Variants in MSR1 observed in about 807,000 individuals in gnomAD.
The protein encoded by MSR1 is macrophage scavenger receptor types I and II.
A neutral mutation model predicts 47.2 loss-of-function variants in MSR1; 53 were observed. The ratio of observed to expected loss-of-function variants is 1.12; its 90% CI spans 0.90 to 1.41. MSR1 has a LOEUF of 1.41. Among genes scored for constraint, MSR1 ranks in the 40% most tolerant of loss-of-function variants. The pLI is 0.00. For missense variants in MSR1, 786 were observed against 546.9 expected, an observed-to-expected ratio of 1.44 and a Z score of -4.36; for synonymous variants, 239 against 185.6, an observed-to-expected ratio of 1.29 and a Z score of -2.34.
chr8:16,159,762 G>C (rs190802445), intron 5 of MSR1, among the ~76,000 whole-genome samples: 1 of 151,854 alleles, frequency 6.6e-6, no homozygotes, highest in African/African-American at 2.4e-5. Flanking sequence ...GTATTCTCTT[G>C]TGAGAGAATA....
intron 2 of MSR1, among the ~76,000 whole-genome samples, chr8:16,175,661 C>T (rs1043266557): frequency 2.6e-5 from 4 of 152,026 alleles, no homozygotes; most frequent in African/African-American, 7.2e-5. Context: ...TTCTGGGTGA[C>T]AATAAAATTT....
At chr8:16,149,271 G>A (rs988027376) in intron 7 of MSR1, among the ~76,000 whole-genome samples, 2 of 152,108 alleles carry the variant, frequency 1.3e-5, no homozygotes, top group Non-Finnish European at 2.9e-5. Flanking sequence ...GACCATGTGT[G>A]CATGGGTGGT....
chr8:16,168,492 C>A lies in MSR1; in HGVS notation c.596G>T (p.Gly199Val). The stretch of plus-strand genomic sequence containing the variant: ...TTTGAAGGTATTCTCTTGGATTTTG[C>A]CATTCAGATTTTCTATGTTGAGCTG... ...DLQLNIENLN[G>V]KIQENTFKQQ... is the part of the protein sequence containing the mutation. Residue 199 changes from glycine (G) to valine (V), a missense_variant, in exon 4 of 10, where the codon GGC (glycine) becomes GTC (valine). Gly to Val is a moderately radical substitution (Grantham distance 109). Transcript: ENST00000262101. The A allele has an allele frequency of 6.2e-7, 1 of 1,614,070 alleles. No homozygotes were observed. Among genetic ancestry groups the A allele is most frequent in the Admixed American group, 1.7e-5 (1 of 60,010 alleles).
At chr8:16,162,153 G>C (rs890823018) in intron 5 of MSR1, among the ~76,000 whole-genome samples, 3 of 152,066 alleles carry the variant, frequency 2.0e-5, no homozygotes, top group South Asian at 2.1e-4. Flanking sequence ...TAAAACTGCA[G>C]ATATGAAAGA....
Position 16,120,358 on chromosome 8 carries a change from C to T in MSR1, c.1222+60G>A. On this transcript the variant is annotated intron_variant, in intron 9 of 9. Transcript: ENST00000262101. ...CGCCACTGCACTCCAGTCTGGGCGA[C>T]AGAATGAGACTCTGTCTGAAACAAC... The T allele has an allele frequency of 1.9e-6, 3 of 1,583,404 alleles. No individual in the cohort carries two copies. The Admixed American group carries it at 5.0e-5, about 26-fold the overall frequency.
intron 1 of MSR1, among the ~76,000 whole-genome samples, chr8:16,185,835 C>T (rs1377804634): frequency 6.8e-6 from 1 of 147,170 alleles, no homozygotes; most frequent in Non-Finnish European, 1.5e-5. Flanking sequence ...GTAGAAGATA[C>T]CTTTTTTCAG....
At chr8:16,166,936 T>TACACAC (rs5889636) in intron 4 of MSR1, among the ~76,000 whole-genome samples, 67 of 147,074 alleles carry the variant, frequency 4.6e-4, no homozygotes, top group African/African-American at 1.4e-3. Context: ...TACACAGGAG[T>TACACAC]ACACACACAC....
At chr8:16,139,388 A>G (rs559731623) in intron 8 of MSR1, 185 of 919,450 alleles carry the variant, frequency 2.0e-4, no homozygotes, top group Middle Eastern at 1.1e-3. Flanking sequence ...GATCCTCACA[A>G]CAACCCTGTG....
In MSR1 at chr8:16,141,655, A is replaced by G. The variant is rs539106472; in HGVS notation, c.1033+1903T>C. ...GGTGGAGAATGCAGAGGCTGTATAC[A>G]AACATCTCTCTTACTCCTTCCTCAA... On this transcript the variant is annotated intron_variant, in intron 8 of 9. Coordinates refer to ENST00000262101, the MANE Select transcript of MSR1 (RefSeq NM_138715.3). Among the ~76,000 whole-genome samples the G allele has an allele frequency of 1.2e-4, 19 of 152,252 alleles. 1 individual carries two copies. The highest frequency in any genetic ancestry group is 4.6e-4 in the African/African-American group (19 of 41,570).
intron 5 of MSR1, among the ~76,000 whole-genome samples, chr8:16,162,513 A>AT (rs1801189591): frequency 6.6e-6 from 1 of 152,060 alleles, no homozygotes; most frequent in Admixed American, 6.6e-5. Context: ...AGCGATGACT[A>AT]TCTGAGCCAG....
intron 3 of MSR1, among the ~76,000 whole-genome samples, chr8:16,172,258 A>T (rs1022074501): frequency 1.3e-5 from 2 of 152,186 alleles, no homozygotes; most frequent in Admixed American, 1.3e-4. Flanking sequence ...AGAAGCCCCA[A>T]TGTGACTAAG....
At chr8:16,154,765 A>G (rs34785647) in intron 6 of MSR1, among the ~76,000 whole-genome samples, 6,092 of 152,004 alleles carry the variant, frequency 0.04, 430 homozygotes, top group African/African-American at 0.14. Flanking sequence ...TATTATATAC[A>G]TGTCACTATC....
intron 8 of MSR1, chr8:16,121,240 T>A: frequency 2.6e-6 from 1 of 387,156 alleles, no homozygotes. Flanking sequence ...AGATAAAAAA[T>A]CAGACAATTT....
At chr8:16,116,696 G>A (rs1049075369) in intron 9 of MSR1, among the ~76,000 whole-genome samples, 15 of 151,844 alleles carry the variant, frequency 9.9e-5, no homozygotes, top group African/African-American at 3.6e-4. Flanking sequence ...ATATAAGCAG[G>A]AATGAATAAA....
intron 9 of MSR1, among the ~76,000 whole-genome samples, chr8:16,111,484 A>T (rs924283662): frequency 2.2e-4 from 34 of 152,194 alleles, no homozygotes; most frequent in African/African-American, 7.7e-4. Context: ...TCAGCAGTGC[A>T]GAATTTGTAC....
intron 6 of MSR1, among the ~76,000 whole-genome samples, chr8:16,152,263 G>A (rs111950044): frequency 4.1e-4 from 61 of 148,946 alleles, no homozygotes; most frequent in African/African-American, 1.5e-3. Flanking sequence ...GGTGTAGAGC[G>A]ACAGCCTGCA....
intron 8 of MSR1, chr8:16,140,364 A>C (rs1800521955): frequency 1.0e-6 from 1 of 985,592 alleles, no homozygotes; most frequent in Non-Finnish European, 1.2e-6. Context: ...TATTCATTGA[A>C]GATTGAGCTG....
chr8:16,120,827 C>G (rs1032836594), intron 8 of MSR1: 6 of 592,968 alleles, frequency 1.0e-5, no homozygotes, highest in Non-Finnish European at 1.7e-5. Context: ...AGAGCAAAAT[C>G]CAATCTGTCT....
At chr8:16,161,716 C>T (rs1055906194) in intron 5 of MSR1, among the ~76,000 whole-genome samples, 1 of 151,858 alleles carries the variant, frequency 6.6e-6, no homozygotes, top group Admixed American at 6.6e-5. Flanking sequence ...TGTAAATTTA[C>T]ATAATTTTAC....
Sources: allele counts gnomAD v4.1 joint callset (sites outside exome capture counted in the v4.1 genomes callset), GRCh38; gene constraint gnomAD v4.1.1; transcripts MANE v1.5; gene names NCBI Gene and HGNC (gene_info 2026-07-23, HGNC 2026-07-21).